The following PLSCR2 variants were observed in gnomAD, a reference collection of about 807,000 sequenced individuals.
PLSCR2 encodes phospholipid scramblase 2.
A neutral mutation model predicts 25.3 loss-of-function variants in PLSCR2; 18 were observed. The observed-to-expected ratio is 0.71, with a 90% confidence interval of 0.49 to 1.06. PLSCR2 has a LOEUF of 1.06. Ranked by LOEUF, PLSCR2 falls within the 50% of genes least tolerant of loss-of-function variation. The pLI, the probability that PLSCR2 is intolerant of heterozygous loss-of-function variation, is 0.00. For synonymous variants in PLSCR2, 88 were observed against 87.3 expected (o/e 1.01, Z -0.04); for missense variants, 243 against 269.5 (o/e 0.90, Z 0.69).
intron 2 of PLSCR2, among the ~76,000 whole-genome samples, chr3:146,425,490 C>T (rs1264047954): frequency 6.6e-6 from 1 of 152,136 alleles, no homozygotes; most frequent in Non-Finnish European, 1.5e-5. Context: ...GGTGTGGCTT[C>T]GGTTTCCTGC....
chr3:146,401,755 C>T (rs1452325821), intron 2 of PLSCR2, among the ~76,000 whole-genome samples: 1 of 151,960 alleles, frequency 6.6e-6, no homozygotes, highest in Non-Finnish European at 1.5e-5. Flanking sequence ...TCTCTGGATC[C>T]ATTTACTGCT....
intron 3 of PLSCR2, among the ~76,000 whole-genome samples, chr3:146,393,011 T>C (rs1343860077): frequency 1.3e-5 from 2 of 150,004 alleles, no homozygotes; most frequent in Non-Finnish European, 3.0e-5. Flanking sequence ...AAAAAATAAT[T>C]GGGTTATTTA....
At chr3:146,486,241 C>A (rs2043335860) in intron 1 of PLSCR2, among the ~76,000 whole-genome samples, 1 of 152,016 alleles carries the variant, frequency 6.6e-6, no homozygotes, top group Non-Finnish European at 1.5e-5. Flanking sequence ...GACACCCTAA[C>A]ATCACAACTA....
At chr3:146,485,969 C>T (rs2043325474) in intron 1 of PLSCR2, among the ~76,000 whole-genome samples, 1 of 152,056 alleles carries the variant, frequency 6.6e-6, no homozygotes, top group Non-Finnish European at 1.5e-5. Flanking sequence ...GAAAGACCCA[C>T]CCCCATGATT....
intron 3 of PLSCR2, among the ~76,000 whole-genome samples, chr3:146,392,135 TCA>T (rs1200847331): frequency 6.6e-6 from 1 of 152,180 alleles, no homozygotes; most frequent in East Asian, 1.9e-4. Context: ...AGCCTCATAC[TCA>T]CACATTTTAT....
At chr3:146,407,448 C>T (rs1488891642) in intron 2 of PLSCR2, among the ~76,000 whole-genome samples, 1 of 152,152 alleles carries the variant, frequency 6.6e-6, no homozygotes, top group Non-Finnish European at 1.5e-5. Flanking sequence ...TCTGTAAAGT[C>T]AATTTCCCAG....
At chr3:146,477,860 G>T (rs192576884) in intron 1 of PLSCR2, among the ~76,000 whole-genome samples, 1 of 152,032 alleles carries the variant, frequency 6.6e-6, no homozygotes, top group Non-Finnish European at 1.5e-5. Flanking sequence ...ATACAGGCAG[G>T]TGCCCCTCTG....
intron 3 of PLSCR2, among the ~76,000 whole-genome samples, chr3:146,393,792 G>A (rs1285383123): frequency 4.1e-5 from 5 of 122,332 alleles, no homozygotes; most frequent in African/African-American, 1.2e-4. Context: ...CCAGCCTGGC[G>A]ACAGAGACTC....
intron 1 of PLSCR2, among the ~76,000 whole-genome samples, chr3:146,483,536 CTCT>C (rs1441594110): frequency 8.4e-6 from 1 of 119,316 alleles, no homozygotes; most frequent in African/African-American, 3.1e-5. Context: ...CAGGTTGGTA[CTCT>C]TCAAGGAAAA....
chr3:146,489,438 T>C (rs935907642), intron 1 of PLSCR2, among the ~76,000 whole-genome samples: 1 of 152,116 alleles, frequency 6.6e-6, no homozygotes, highest in Non-Finnish European at 1.5e-5. Context: ...TCAAGGGAAC[T>C]TGTAGACCAG....
At chr3:146,454,015 C>T in exon 5 of PLSCR2, 1 of 1,574,566 alleles carries the variant, frequency 6.4e-7, no homozygotes, top group African/African-American at 1.4e-5. Context: ...AAAATCAACA[C>T]CCGCAATACA....
In PLSCR2 at chr3:146,411,711, C is replaced by T. The variant is rs557736281; in HGVS notation, c.101-15790G>A. ...CTAATGCTCAAAATTCTCTCGGCCC[C>T]GAAGAAGGGGCTAGATTTTCTTTTA... On this transcript the variant is annotated intron_variant and NMD_transcript_variant, in intron 2 of 3. Coordinates refer to the PLSCR2 transcript ENST00000463633. Among the ~76,000 whole-genome samples, 4 of 152,274 alleles carry T rather than the reference C, an allele frequency of 2.6e-5. No homozygotes were observed. The South Asian group carries it at 6.2e-4, about 24-fold the overall frequency.
chr3:146,466,159 TTTTG>T (rs374745417), intron 1 of PLSCR2, among the ~76,000 whole-genome samples: 2 of 152,040 alleles, frequency 1.3e-5, no homozygotes, highest in African/African-American at 2.4e-5. Context: ...GCTTTTACAG[TTTTG>T]TTTGTTTGTT....
chr3:146,391,552 T>C (rs926776288), exon 4 of PLSCR2: 3 of 152,572 alleles, frequency 2.0e-5, no homozygotes, highest in African/African-American at 7.2e-5. Flanking sequence ...CAGTTCAAAA[T>C]ACATGTATTC....
intron 3 of PLSCR2, among the ~76,000 whole-genome samples, chr3:146,394,829 G>A (rs564155920): frequency 6.6e-6 from 1 of 152,330 alleles, no homozygotes; most frequent in Admixed American, 6.5e-5. Context: ...AGGGAGGGAA[G>A]TGATTGGATC....
At chr3:146,414,772 A>G (rs2038958638) in intron 2 of PLSCR2, among the ~76,000 whole-genome samples, 1 of 152,208 alleles carries the variant, frequency 6.6e-6, no homozygotes, top group African/African-American at 2.4e-5. Context: ...TTCTGCTTCT[A>G]TTAACAAAAT....
intron 1 of PLSCR2, chr3:146,494,866 C>A (rs1326200573): frequency 1.3e-5 from 2 of 152,248 alleles, no homozygotes; most frequent in East Asian, 3.9e-4. Context: ...ACTTATGAAA[C>A]ACTCTTATCT....
chr3:146,435,565 GTCT>G (rs1312283004), intron 8 of PLSCR2, among the ~76,000 whole-genome samples: 1 of 152,200 alleles, frequency 6.6e-6, no homozygotes, highest in African/African-American at 2.4e-5. Flanking sequence ...CTGCATAAAT[GTCT>G]TCTTTTGAGA....
At chr3:146,466,865 C>A (rs1279478456) in intron 1 of PLSCR2, among the ~76,000 whole-genome samples, 1 of 152,144 alleles carries the variant, frequency 6.6e-6, no homozygotes, top group Non-Finnish European at 1.5e-5. Context: ...CCCAATGTGC[C>A]AAATTTCAGT....
Sources: gnomAD v4.1 joint callset for allele counts (sites outside exome capture counted in the v4.1 genomes callset) on GRCh38, gnomAD v4.1.1 for gene constraint, MANE v1.5 for transcripts, NCBI Gene and HGNC (gene_info 2026-07-23, HGNC 2026-07-21) for gene names.